The following CADM2 variants were observed in gnomAD, a reference collection of about 807,000 sequenced individuals.
CADM2 encodes immunoglobulin superfamily member 4D.
A neutral mutation model predicts 49.8 loss-of-function variants in CADM2; 12 were observed. The ratio of observed to expected loss-of-function variants is 0.24; its 90% confidence interval spans 0.15 to 0.39. The LOEUF (loss-of-function observed/expected upper bound fraction) is 0.39, where lower values mean the gene tolerates loss of function less well. CADM2 is among the 10% of genes least tolerant of loss of function. CADM2 has a pLI of 1.00. For missense variants in CADM2, 378 were observed against 492.3 expected (o/e 0.77, Z 2.20); for synonymous variants, 214 against 175.4 (o/e 1.22, Z -1.74).
chr3:85,603,935 T>C (rs144050807), intron 1 of CADM2, among the ~76,000 whole-genome samples: 1 of 152,034 alleles, frequency 6.6e-6, no homozygotes, highest in Non-Finnish European at 1.5e-5. Flanking sequence ...TTGGTTCATC[T>C]TTCTCTTTGC....
chr3:85,647,312 A>G (rs2064917601), intron 1 of CADM2, among the ~76,000 whole-genome samples: 1 of 151,760 alleles, frequency 6.6e-6, no homozygotes, highest in African/African-American at 2.4e-5. Flanking sequence ...AATATAGATA[A>G]ACACGGAGCT....
At chr3:84,996,845 C>CAG (rs371788026) in intron 1 of CADM2, among the ~76,000 whole-genome samples, 20 of 151,982 alleles carry the variant, frequency 1.3e-4, no homozygotes, top group African/African-American at 4.8e-4. Context: ...CTATGGTGTT[C>CAG]AGGGATTCCT....
chr3:85,361,794 T>C (rs937312423), intron 1 of CADM2, among the ~76,000 whole-genome samples: 29 of 152,178 alleles, frequency 1.9e-4, no homozygotes, highest in African/African-American at 7.0e-4. Flanking sequence ...CAATGCCATG[T>C]CTGGATGTAA....
intron 1 of CADM2, among the ~76,000 whole-genome samples, chr3:85,507,310 C>G (rs926225856): frequency 6.6e-6 from 1 of 151,550 alleles, no homozygotes; most frequent in Admixed American, 6.6e-5. Flanking sequence ...GTCTCAGCCT[C>G]CCAAGTAACT....
intron 1 of CADM2, among the ~76,000 whole-genome samples, chr3:85,293,438 T>G (rs2043860753): frequency 7.1e-6 from 1 of 141,534 alleles, no homozygotes; most frequent in Non-Finnish European, 1.5e-5. Context: ...ACTCATTTTA[T>G]GAGGCCAGCA....
intron 2 of CADM2, among the ~76,000 whole-genome samples, chr3:85,774,188 T>C (rs192104397): frequency 1.5e-3 from 228 of 151,966 alleles, no homozygotes; most frequent in African/African-American, 5.1e-3. Context: ...ACAAATACGG[T>C]AAATGTCTCT....
intron 1 of CADM2, among the ~76,000 whole-genome samples, chr3:85,024,868 A>G (rs1312180347): frequency 6.6e-6 from 1 of 152,068 alleles, no homozygotes; most frequent in African/African-American, 2.4e-5. Flanking sequence ...TCAAAGAATC[A>G]TATAAACCTT....
At position 85,785,405 on chromosome 3, in the gene CADM2, T is replaced by A. The variant is rs750698827; in HGVS notation, c.89-16642T>A. On this transcript the variant is annotated intron_variant, in intron 2 of 9. Transcript: ENST00000383699. ...CATGAATACTGAGACTAATCTGTTATTGGAATTATTAGAATAGCCTGAACC... is the reference window on the plus strand; with the variant it reads ...CATGAATACTGAGACTAATCTGTTAATGGAATTATTAGAATAGCCTGAACC... Among the ~76,000 whole-genome samples the A allele has an allele frequency of 3.9e-5, 6 of 152,254 alleles. No individual in the cohort carries two copies. In the East Asian group the frequency reaches 1.2e-3, roughly 29 times the overall value.
chr3:85,599,653 C>A (rs774292002), intron 1 of CADM2, among the ~76,000 whole-genome samples: 63 of 150,504 alleles, frequency 4.2e-4, no homozygotes, highest in Non-Finnish European at 7.8e-4. Flanking sequence ...AAATTATATC[C>A]CCTAAAAATC....
intron 3 of CADM2, among the ~76,000 whole-genome samples, chr3:85,863,605 A>T (rs145431004): frequency 4.8e-4 from 73 of 152,298 alleles, no homozygotes; most frequent in African/African-American, 1.6e-3. Context: ...GGCCTTCAGC[A>T]GACACTAGCA....
At chr3:85,785,756 G>A (rs373291012) in intron 2 of CADM2, among the ~76,000 whole-genome samples, 1 of 152,046 alleles carries the variant, frequency 6.6e-6, no homozygotes, top group African/African-American at 2.4e-5. Context: ...GTCTATTTAA[G>A]CATTTTTGTC....
intron 8 of CADM2, among the ~76,000 whole-genome samples, chr3:85,977,032 A>G (rs1726872075): frequency 6.6e-6 from 1 of 151,342 alleles, no homozygotes; most frequent in Non-Finnish European, 1.5e-5. Flanking sequence ...GAAAATATAT[A>G]GACTGTCTTT....
At chr3:85,684,224 G>C (rs2066130752) in intron 1 of CADM2, among the ~76,000 whole-genome samples, 1 of 152,130 alleles carries the variant, frequency 6.6e-6, no homozygotes, top group African/African-American at 2.4e-5. Context: ...TGATATGAAA[G>C]GATTAATTCA....
chr3:85,610,372 C>T (rs969691915), intron 1 of CADM2, among the ~76,000 whole-genome samples: 4 of 151,642 alleles, frequency 2.6e-5, no homozygotes, highest in African/African-American at 9.7e-5. Context: ...TTCTTTTAAA[C>T]AATTAATGGT....
intron 1 of CADM2, among the ~76,000 whole-genome samples, chr3:85,104,366 G>A (rs563449607): frequency 6.6e-5 from 10 of 151,890 alleles, no homozygotes; most frequent in South Asian, 4.2e-4. Flanking sequence ...GTAGATATGC[G>A]GCGTTATTTC....
intron 6 of CADM2, among the ~76,000 whole-genome samples, chr3:85,935,385 G>C (rs748267935): frequency 6.6e-6 from 1 of 152,000 alleles, no homozygotes; most frequent in East Asian, 1.9e-4. Context: ...TGAAAGTGTT[G>C]TTATTCAGAT....
intron 1 of CADM2, among the ~76,000 whole-genome samples, chr3:85,011,274 T>C (rs773344711): frequency 8.5e-5 from 13 of 152,180 alleles, no homozygotes; most frequent in Admixed American, 7.2e-4. Flanking sequence ...TGTGTATATC[T>C]ACTCATCTCT....
chr3:85,968,798 A>G (rs1207406144), intron 8 of CADM2, among the ~76,000 whole-genome samples: 1 of 151,700 alleles, frequency 6.6e-6, no homozygotes, highest in Non-Finnish European at 1.5e-5. Flanking sequence ...ATTTCAAGCA[A>G]TATGCAATGG....
chr3:86,011,087 G>A (rs1731448160), intron 8 of CADM2, among the ~76,000 whole-genome samples: 1 of 151,978 alleles, frequency 6.6e-6, no homozygotes, highest in African/African-American at 2.4e-5. Context: ...TTCCAGGCAT[G>A]GAGAAGAAGC....
Sources: gnomAD v4.1 joint callset for allele counts (sites outside exome capture counted in the v4.1 genomes callset) on GRCh38, gnomAD v4.1.1 for gene constraint, MANE v1.5 for transcripts, NCBI Gene and HGNC (gene_info 2026-07-23, HGNC 2026-07-21) for gene names.